The following SECISBP2 variants were observed in gnomAD, a reference collection of about 807,000 sequenced individuals.
The protein encoded by SECISBP2 is selenocysteine insertion sequence-binding protein 2.
SECISBP2 carries 96 observed loss-of-function variants against 98.2 expected under a neutral mutation model. The observed-to-expected ratio is 0.98, with a 90% confidence interval of 0.83 to 1.16. SECISBP2 has a LOEUF of 1.16. Among genes scored for constraint, SECISBP2 ranks in the 50% most tolerant of loss-of-function variants. SECISBP2 has a pLI of 0.00. For missense variants in SECISBP2, 1,046 were observed against 1,022.9 expected (o/e 1.02, Z -0.31); for synonymous variants, 407 against 370.2 (o/e 1.10, Z -1.14).
chr9:89,343,222 G>A (rs1829915673), intron 10 of SECISBP2, among the ~76,000 whole-genome samples: 1 of 152,104 alleles, frequency 6.6e-6, no homozygotes, highest in South Asian at 2.1e-4. Flanking sequence ...CAGTTAAAAC[G>A]CACAATATGT....
intron 13 of SECISBP2, 37 bp from the exon 14 acceptor site, chr9:89,350,595 C>T (rs1337845446): frequency 1.9e-6 from 3 of 1,577,704 alleles, no homozygotes; most frequent in East Asian, 2.2e-5. Flanking sequence ...GTGTCACAGC[C>T]AGTGGCACAA....
intron 4 of SECISBP2, among the ~76,000 whole-genome samples, chr9:89,327,692 A>G (rs574951556): frequency 2.6e-4 from 39 of 152,346 alleles, no homozygotes; most frequent in African/African-American, 9.1e-4. Flanking sequence ...GAAGGTCTTC[A>G]GGGACAGTAA....
At chr9:89,347,876 G>C (rs1027876999) in intron 11 of SECISBP2, among the ~76,000 whole-genome samples, 1 of 152,136 alleles carries the variant, frequency 6.6e-6, no homozygotes, top group African/African-American at 2.4e-5. Flanking sequence ...TGGCTGCTCT[G>C]CATACCTTGG....
chr9:89,319,269 T>C (rs1825266106), intron 1 of SECISBP2, among the ~76,000 whole-genome samples: 1 of 152,216 alleles, frequency 6.6e-6, no homozygotes, highest in Admixed American at 6.5e-5. Flanking sequence ...GTCTGCAGTG[T>C]GTTTTGGGTG....
At chr9:89,336,247 G>A (rs370137826) in intron 7 of SECISBP2, among the ~76,000 whole-genome samples, 2 of 151,562 alleles carry the variant, frequency 1.3e-5, no homozygotes, top group African/African-American at 2.4e-5. Flanking sequence ...TGTTTCCCAG[G>A]CTGGTCTTGA....
chr9:89,324,539 T>G (rs1052303291), intron 2 of SECISBP2: 9 of 152,402 alleles, frequency 5.9e-5, no homozygotes, highest in Admixed American at 3.9e-4. Flanking sequence ...TTGCAGCGCA[T>G]TAGAAATATG....
chr9:89,363,580 C>T, downstream of SECISBP2: 1 of 1,608,690 alleles, frequency 6.2e-7, no homozygotes, highest in Non-Finnish European at 8.5e-7. Flanking sequence ...TTTATGGCAC[C>T]CTTGATGCCC....
chr9:89,327,614 A>G (rs1166680011), intron 4 of SECISBP2, among the ~76,000 whole-genome samples: 2 of 152,070 alleles, frequency 1.3e-5, no homozygotes, highest in Non-Finnish European at 2.9e-5. Context: ...CACACACATT[A>G]GCCTAGGCCT....
At chr9:89,324,945 G>C (rs1324693811) in intron 2 of SECISBP2, 29 of 197,494 alleles carry the variant, frequency 1.5e-4, no homozygotes, top group Non-Finnish European at 2.4e-4. Context: ...GGTGCCGTGC[G>C]GTGTCTGCTT....
Position 89,346,915 on chromosome 9 carries a change from C to T in SECISBP2, c.1469C>T (p.Ala490Val), listed in dbSNP as rs1265436388. 6.2e-6 allele frequency: 10 copies of T among 1,613,960 alleles called. No homozygotes were observed. Among genetic ancestry groups the T allele is most frequent in the Non-Finnish European group, 7.6e-6 (9 of 1,180,024 alleles). The change falls in exon 11 of 17, where the codon GCA becomes GTA. Residue 490 changes from alanine (A) to valine (V), a missense_variant. By Grantham distance (64) the Ala-to-Val change is moderately conservative (BLOSUM62 0). Coordinates refer to ENST00000375807, the MANE Select transcript of SECISBP2 (RefSeq NM_024077.5). ...GTGCCAGTCCTTTCCAAAGAATGTG[C>T]ATCAGGGGAGAGAGGCCGCCGCATG... ...GAVPVLSKEC[A>V]SGERGRRMSQ...
At chr9:89,320,567 TA>T (rs1825624759) in intron 2 of SECISBP2, among the ~76,000 whole-genome samples, 3 of 152,202 alleles carry the variant, frequency 2.0e-5, no homozygotes, top group Non-Finnish European at 2.9e-5. Flanking sequence ...TCTGTGTGGA[TA>T]ATTTTTTGGA....
Position 89,323,339 on chromosome 9 carries a change from C to G in SECISBP2, c.183-2088C>G, listed in dbSNP as rs1300559495. On this transcript the variant is annotated intron_variant, in intron 2 of 16. Coordinates refer to ENST00000375807, the MANE Select transcript of SECISBP2 (RefSeq NM_024077.5). Reference sequence around the variant, plus strand: ...TAAGCAGAAAGATAAGAGGTTCTGACCCAGAATGTGTCAGATGGGTGAGAT... The same window carrying G: ...TAAGCAGAAAGATAAGAGGTTCTGAGCCAGAATGTGTCAGATGGGTGAGAT... 2.0e-5 allele frequency: 3 copies of G among 152,174 alleles called. No homozygotes were observed. The East Asian group carries it at 5.8e-4, about 29-fold the overall frequency. 9.4% of individuals were successfully genotyped at this position (152,174 alleles called of 1,614,324 possible).
At chr9:89,345,571 G>A (rs191650881) in intron 10 of SECISBP2, among the ~76,000 whole-genome samples, 3 of 152,294 alleles carry the variant, frequency 2.0e-5, no homozygotes, top group South Asian at 2.1e-4. Flanking sequence ...GTTGAACTTC[G>A]TGGTTGTTTT....
chr9:89,333,289 G>C lies in SECISBP2; in HGVS notation c.880+303G>C, dbSNP rs907069028. 4.6e-5 allele frequency among the ~76,000 whole-genome samples: 7 copies of C among 152,148 alleles called. 1 individual carries two copies. Among genetic ancestry groups the C allele is most frequent in the Admixed American group, 4.6e-4 (7 of 15,268 alleles). Reference sequence around the variant, plus strand: ...ATTGCCTATTCTCAAAAGTTTTTGAGACCTTTAAAGATTGAGAACCCCAAA... The same window carrying C: ...ATTGCCTATTCTCAAAAGTTTTTGACACCTTTAAAGATTGAGAACCCCAAA... On this transcript the variant is annotated intron_variant, in intron 6 of 16. Coordinates refer to ENST00000375807, the MANE Select transcript of SECISBP2 (RefSeq NM_024077.5).
At chr9:89,324,994 C>T (rs2131585982) in intron 2 of SECISBP2, 1 of 262,426 alleles carries the variant, frequency 3.8e-6, no homozygotes, top group South Asian at 4.2e-5. Flanking sequence ...CGCAGGATGT[C>T]ATGGTGGGCT....
At chr9:89,366,221 C>T in the SECISBP2 span, among the ~76,000 whole-genome samples, 1 of 152,194 alleles carries the variant, frequency 6.6e-6, no homozygotes, top group Non-Finnish European at 1.5e-5. Context: ...CATGTGTGAA[C>T]GTAGATAGTC....
chr9:89,363,293 A>G, downstream of SECISBP2: 1 of 1,314,622 alleles, frequency 7.6e-7, no homozygotes, highest in Non-Finnish European at 1.0e-6. Context: ...CAGATTTCAT[A>G]AAGGAAACTG....
intron 7 of SECISBP2, among the ~76,000 whole-genome samples, chr9:89,336,779 T>G (rs910935094): frequency 4.2e-5 from 6 of 143,600 alleles, no homozygotes; most frequent in Non-Finnish European, 9.1e-5. Flanking sequence ...TTTTTTTTTT[T>G]TTTTTTTTTT....
chr9:89,362,747 G>A (rs1720839324), downstream of SECISBP2, among the ~76,000 whole-genome samples: 1 of 152,238 alleles, frequency 6.6e-6, no homozygotes, highest in Non-Finnish European at 1.5e-5. Flanking sequence ...AACAGTTCGG[G>A]GGTGTACTGC....
Sources: gnomAD v4.1 joint callset for allele counts (sites outside exome capture counted in the v4.1 genomes callset) on GRCh38, gnomAD v4.1.1 for gene constraint, MANE v1.5 for transcripts, NCBI Gene and HGNC (gene_info 2026-07-23, HGNC 2026-07-21) for gene names.